The following WWOX variants were observed in gnomAD, a reference collection of about 807,000 sequenced individuals.
The protein encoded by WWOX is WW domain-containing oxidoreductase.
Under a neutral mutation model 46.2 loss-of-function variants are expected in WWOX, and 69 were observed. The ratio of observed to expected loss-of-function variants is 1.49; its 90% CI spans 1.23 to 1.82. WWOX has a LOEUF of 1.82. WWOX is among the 40% of genes most tolerant of loss of function. The pLI, the probability that WWOX is intolerant of heterozygous loss-of-function variation, is 0.00. For synonymous variants in WWOX, 359 were observed against 202.6 expected, an observed-to-expected ratio of 1.77 and a Z score of -6.56; for missense variants, 919 against 542.6, an observed-to-expected ratio of 1.69 and a Z score of -6.89.
intron 8 of WWOX, among the ~76,000 whole-genome samples, chr16:78,513,091 G>C (rs1210282256): frequency 1.3e-5 from 2 of 152,158 alleles, no homozygotes; most frequent in African/African-American, 4.8e-5. Flanking sequence ...TGTGCCTTTG[G>C]AGATTCCAAC....
chr16:78,813,061 A>G (rs1287000293), intron 8 of WWOX, among the ~76,000 whole-genome samples: 1 of 151,892 alleles, frequency 6.6e-6, no homozygotes, highest in African/African-American at 2.4e-5. Flanking sequence ...ATAGGAAAAT[A>G]CTGAGATACT....
At chr16:78,677,840 G>T (rs2047639865) in intron 8 of WWOX, among the ~76,000 whole-genome samples, 1 of 152,180 alleles carries the variant, frequency 6.6e-6, no homozygotes, top group Non-Finnish European at 1.5e-5. Context: ...GTGTCCTTCT[G>T]AGTACAGAAC....
At chr16:78,719,847 A>G (rs1399294558) in intron 8 of WWOX, among the ~76,000 whole-genome samples, 1 of 152,218 alleles carries the variant, frequency 6.6e-6, no homozygotes, top group Non-Finnish European at 1.5e-5. Context: ...ATGACGGGAA[A>G]GAAAGAAAAC....
intron 8 of WWOX, among the ~76,000 whole-genome samples, chr16:78,438,347 A>G (rs888560595): frequency 3.9e-5 from 6 of 152,146 alleles, no homozygotes; most frequent in Non-Finnish European, 8.8e-5. Context: ...GCTTTGTCCA[A>G]TGCACGGTAA....
intron 4 of WWOX, among the ~76,000 whole-genome samples, chr16:78,116,883 A>T (rs935149200): frequency 2.6e-5 from 4 of 152,280 alleles, no homozygotes; most frequent in Admixed American, 2.6e-4. Context: ...TTTTTGTGTT[A>T]AGTGTTCGAA....
intron 6 of WWOX, among the ~76,000 whole-genome samples, chr16:78,407,533 C>G (rs1374214155): frequency 1.3e-5 from 2 of 152,182 alleles, no homozygotes; most frequent in East Asian, 3.9e-4. Context: ...TGTAACTCAA[C>G]CCCATGGTGG....
chr16:78,736,398 G>C (rs1344144733), intron 8 of WWOX, among the ~76,000 whole-genome samples: 1 of 152,144 alleles, frequency 6.6e-6, no homozygotes, highest in South Asian at 2.1e-4. Flanking sequence ...TGGCACAGCA[G>C]CTGCTAAAAG....
chr16:78,106,919 G>A (rs553582665), intron 1 of WWOX, among the ~76,000 whole-genome samples: 3 of 152,186 alleles, frequency 2.0e-5, no homozygotes, highest in Non-Finnish European at 4.4e-5. Context: ...GCTAGCATGG[G>A]CTGCTCAGGT....
intron 8 of WWOX, among the ~76,000 whole-genome samples, chr16:78,680,740 A>G (rs1187762111): frequency 6.6e-6 from 1 of 152,156 alleles, no homozygotes; most frequent in African/African-American, 2.4e-5. Context: ...CCGTGACAGT[A>G]GAGTGTCCCA....
At chr16:78,753,699 G>C (rs1270330491) in intron 8 of WWOX, among the ~76,000 whole-genome samples, 2 of 150,186 alleles carry the variant, frequency 1.3e-5, no homozygotes, top group East Asian at 2.0e-4. Context: ...GTACTCAGGA[G>C]GCTGAGGTGG....
chr16:78,680,917 C>A (rs914732152), intron 8 of WWOX, among the ~76,000 whole-genome samples: 4 of 152,164 alleles, frequency 2.6e-5, no homozygotes, highest in African/African-American at 9.6e-5. Flanking sequence ...TTGAGACCAG[C>A]CTGGGTAACA....
chr16:78,644,334 C>G (rs571141079), intron 8 of WWOX, among the ~76,000 whole-genome samples: 3 of 152,212 alleles, frequency 2.0e-5, no homozygotes, highest in Non-Finnish European at 4.4e-5. Flanking sequence ...AGACACCTAC[C>G]CCATATGTCA....
chr16:79,169,319 A>G (rs781668822), intron 8 of WWOX, among the ~76,000 whole-genome samples: 3 of 152,198 alleles, frequency 2.0e-5, no homozygotes, highest in Admixed American at 1.3e-4. Context: ...CTTTGATCAC[A>G]AGATCAAGCC....
chr16:78,369,126 A>G (rs1014527934), intron 5 of WWOX, among the ~76,000 whole-genome samples: 1 of 152,086 alleles, frequency 6.6e-6, no homozygotes, highest in Admixed American at 6.6e-5. Flanking sequence ...TACACATTAA[A>G]GGAAAACTCA....
At chr16:78,905,086 G>A (rs2044927529) in intron 8 of WWOX, among the ~76,000 whole-genome samples, 1 of 151,934 alleles carries the variant, frequency 6.6e-6, no homozygotes, top group Non-Finnish European at 1.5e-5. Context: ...TGTATTCTTG[G>A]GGTCACTTAA....
intron 6 of WWOX, 54 bp downstream of exon 6, chr16:78,387,002 T>G: frequency 6.5e-7 from 1 of 1,535,602 alleles, no homozygotes; most frequent in South Asian, 1.1e-5. Flanking sequence ...TTGTAATATC[T>G]TTATCAGATG....
At chr16:78,861,916 A>G (rs997893073) in intron 8 of WWOX, among the ~76,000 whole-genome samples, 3 of 152,316 alleles carry the variant, frequency 2.0e-5, no homozygotes, top group South Asian at 4.1e-4. Flanking sequence ...CTTTCTGGTG[A>G]TAAACATTTG....
chr16:78,794,465 ATCCT>A (rs1171282023), intron 8 of WWOX, among the ~76,000 whole-genome samples: 1 of 152,210 alleles, frequency 6.6e-6, no homozygotes, highest in Admixed American at 6.5e-5. Context: ...ACTATGACAA[ATCCT>A]TCCATCTATG....
chr16:78,666,151 G>A (rs1281061174), intron 8 of WWOX, among the ~76,000 whole-genome samples: 1 of 152,084 alleles, frequency 6.6e-6, no homozygotes, highest in African/African-American at 2.4e-5. Context: ...GCCGAGTGTG[G>A]TGGTGTGCCA....
Sources: allele counts gnomAD v4.1 joint callset (sites outside exome capture counted in the v4.1 genomes callset), GRCh38; gene constraint gnomAD v4.1.1; transcripts MANE v1.5; gene names NCBI Gene and HGNC (gene_info 2026-07-23, HGNC 2026-07-21).